The following RMDN2 variants were observed in gnomAD, a reference collection of about 807,000 sequenced individuals.
The protein encoded by RMDN2 is regulator of microtubule dynamics protein 2.
A neutral mutation model predicts 52.8 loss-of-function variants in RMDN2; 61 were observed. The ratio of observed to expected loss-of-function variants is 1.16; its 90% CI spans 0.94 to 1.43. RMDN2 has a LOEUF of 1.43. Among genes scored for constraint, RMDN2 ranks in the 40% most tolerant of loss-of-function variants. RMDN2 has a pLI of 0.00. For synonymous variants in RMDN2, 180 were observed against 153.1 expected (o/e 1.18, Z -1.30); for missense variants, 592 against 475.3 (o/e 1.25, Z -2.28).
At chr2:38,014,804 G>GA (rs1678517352) in intron 10 of RMDN2, among the ~76,000 whole-genome samples, 2 of 152,052 alleles carry the variant, frequency 1.3e-5, no homozygotes, top group South Asian at 2.1e-4. Flanking sequence ...GATACAAAGA[G>GA]AAAAAAACAG....
At position 38,017,230 on chromosome 2, in the gene RMDN2, G is replaced by A; in HGVS notation, c.1224G>A (p.Leu408=). 1 of 1,533,328 alleles carries A rather than the reference G, an allele frequency of 6.5e-7. No individual in the cohort carries two copies. Among genetic ancestry groups the A allele is most frequent in the Non-Finnish European group, 8.8e-7 (1 of 1,137,922 alleles). 95.0% of individuals were successfully genotyped at this position (1,533,328 alleles called of 1,614,324 possible). ...QKEMQKIMTS[L]KR ...AGATGCAAAAAATAATGACTTCCTT[G>A]AAGAGGTAAATAAACGAATTTACTC... The change falls in exon 11 of 11, where the codon TTG becomes TTA. Residue 408 remains leucine (L), a synonymous_variant. Coordinates refer to ENST00000354545, the MANE Select transcript of RMDN2 (RefSeq NM_001170791.3).
At chr2:38,064,846 C>A (rs1429399589) in intron 10 of RMDN2, among the ~76,000 whole-genome samples, 1 of 152,018 alleles carries the variant, frequency 6.6e-6, no homozygotes, top group East Asian at 1.9e-4. Context: ...ATAAAGAGGT[C>A]ATGCCATGTG....
chr2:37,944,470 G>T (rs181656927), intron 2 of RMDN2, among the ~76,000 whole-genome samples: 191 of 152,302 alleles, frequency 1.3e-3, no homozygotes, highest in African/African-American at 4.4e-3. Context: ...ACAAAAACAG[G>T]TGGCTGGTAG....
At chr2:37,932,841 CG>C (rs1445774650) in intron 2 of RMDN2, among the ~76,000 whole-genome samples, 6 of 130,674 alleles carry the variant, frequency 4.6e-5, no homozygotes, top group Non-Finnish European at 6.7e-5. Context: ...CCCTCCCGGA[CG>C]GGGCGGCTGG....
chr2:37,960,847 T>A lies in RMDN2; in HGVS notation c.453-13193T>A, dbSNP rs1173100993. 2.6e-5 allele frequency among the ~76,000 whole-genome samples: 4 copies of A among 152,368 alleles called. No individual in the cohort carries two copies. In the East Asian group the frequency reaches 7.7e-4, roughly 29 times the overall value. On this transcript the variant is annotated intron_variant, in intron 2 of 10. Coordinates refer to ENST00000354545, the MANE Select transcript of RMDN2 (RefSeq NM_001170791.3). ...TGGTACTGGTTTTTCCTTTCCATAT[T>A]TAATGCTTCCTTCAGGAACTCTTGT...
chr2:37,926,946 T>C (rs865781793), intron 1 of RMDN2, among the ~76,000 whole-genome samples: 3 of 151,962 alleles, frequency 2.0e-5, no homozygotes, highest in South Asian at 2.1e-4. Context: ...AAAAAAGCTA[T>C]GTAAATGACT....
At chr2:38,031,246 C>T (rs796450784) in intron 10 of RMDN2, among the ~76,000 whole-genome samples, 17 of 142,618 alleles carry the variant, frequency 1.2e-4, no homozygotes, top group African/African-American at 4.1e-4. Flanking sequence ...CATAGTCATA[C>T]TTTGTTTCCC....
At chr2:38,019,306 G>A (rs6721836), downstream of RMDN2, among the ~76,000 whole-genome samples, 8,039 of 152,250 alleles carry the variant, frequency 0.053, 655 homozygotes, top group African/African-American at 0.18. Flanking sequence ...CTGGTGGGTA[G>A]CAGTGGGATT....
intron 10 of RMDN2, among the ~76,000 whole-genome samples, chr2:38,041,959 G>A (rs1290528669): frequency 2.6e-5 from 4 of 151,976 alleles, no homozygotes; most frequent in African/African-American, 9.7e-5. Flanking sequence ...TGAAAATGCT[G>A]GCCTCACAGA....
Position 38,034,751 on chromosome 2 carries a change from A to C in RMDN2, c.1713+30535A>C, listed in dbSNP as rs142922103. Among the ~76,000 whole-genome samples the C allele has an allele frequency of 3.2e-3, 481 of 151,256 alleles. 2 individuals carry two copies. Among genetic ancestry groups the C allele is most frequent in the African/African-American group, 0.011 (441 of 41,478 alleles). On this transcript the variant is annotated intron_variant, in intron 10 of 10. Coordinates refer to the RMDN2 transcript ENST00000234195. ...TATAAATTATACGTATTAATACCCTACTAAAATTTTCATGATAAAACATAT... is the reference window on the plus strand; with the variant it reads ...TATAAATTATACGTATTAATACCCTCCTAAAATTTTCATGATAAAACATAT...
upstream of RMDN2, among the ~76,000 whole-genome samples, chr2:37,924,814 A>C (rs1666143293): frequency 6.6e-6 from 1 of 152,268 alleles, no homozygotes; most frequent in African/African-American, 2.4e-5. Flanking sequence ...GAGGCTGTCA[A>C]AATTGCTCAT....
chr2:37,950,379 T>C (rs1422226320), intron 2 of RMDN2: 1 of 1,470,296 alleles, frequency 6.8e-7, no homozygotes, highest in African/African-American at 1.4e-5. Flanking sequence ...AAAGGTGAGC[T>C]ACAGAACAGT....
intron 10 of RMDN2, among the ~76,000 whole-genome samples, chr2:38,005,119 T>C (rs1191640991): frequency 6.6e-6 from 1 of 152,230 alleles, no homozygotes; most frequent in East Asian, 1.9e-4. Flanking sequence ...TTGGGTTGGT[T>C]CCAAGTCTTT....
At chr2:37,992,530 C>G (rs1273227356) in intron 7 of RMDN2, among the ~76,000 whole-genome samples, 2 of 152,166 alleles carry the variant, frequency 1.3e-5, no homozygotes, top group African/African-American at 4.8e-5. Context: ...GTTTTACTTA[C>G]TGTTTCTTTT....
At chr2:37,951,295 C>T (rs565578847) in intron 2 of RMDN2, 23 of 1,612,276 alleles carry the variant, frequency 1.4e-5, no homozygotes, top group Admixed American at 8.4e-5. Flanking sequence ...AGTACAGACG[C>T]CCAGCATCGT....
intron 8 of RMDN2, chr2:37,998,091 A>T (rs914300024): frequency 2.2e-4 from 34 of 152,280 alleles, no homozygotes; most frequent in African/African-American, 7.7e-4. Context: ...GTGAGCTCAC[A>T]TGTAAATGTA....
chr2:37,955,469 C>T (rs1042328245), intron 2 of RMDN2, among the ~76,000 whole-genome samples: 2 of 151,980 alleles, frequency 1.3e-5, no homozygotes, highest in African/African-American at 4.8e-5. Context: ...TTTTTCCCTT[C>T]ATTTTGTTTA....
chr2:38,011,963 A>G (rs1203421833), intron 10 of RMDN2, among the ~76,000 whole-genome samples: 12 of 152,216 alleles, frequency 7.9e-5, no homozygotes, highest in Admixed American at 7.9e-4. Flanking sequence ...CCCAAGCAAC[A>G]GATTAAATGT....
chr2:37,997,594 C>A lies in RMDN2; in HGVS notation c.1044+80C>A, dbSNP rs752617739. ...TCCCTGCTGCCGTTGTCAAGGAAAT[C>A]TTTTCTCCATGTGGAGCCTCAGTTT... is the stretch of plus-strand genomic sequence containing the variant. On this transcript the variant is annotated intron_variant, in intron 8 of 10. Transcript: ENST00000354545. 6 of 944,668 alleles carry A rather than the reference C, an allele frequency of 6.4e-6. No homozygotes were observed. The African/African-American group carries it at 6.6e-5, about 10-fold the overall frequency. 58.5% of individuals were successfully genotyped at this position (944,668 alleles called of 1,614,324 possible).
Sources: allele counts gnomAD v4.1 joint callset (sites outside exome capture counted in the v4.1 genomes callset), GRCh38; gene constraint gnomAD v4.1.1; transcripts MANE v1.5; gene names NCBI Gene and HGNC (gene_info 2026-07-23, HGNC 2026-07-21).